TMPRSS15: variants seen among roughly 807,000 people sequenced by gnomAD.
TMPRSS15 encodes the protein enteropeptidase.
A neutral mutation model predicts 125.3 loss-of-function variants in TMPRSS15; 128 were observed. The observed-to-expected ratio is 1.02, with a 90% CI of 0.89 to 1.18. The LOEUF is 1.18. TMPRSS15 is among the 50% of genes most tolerant of loss of function. TMPRSS15 has a pLI of 0.00. For synonymous variants in TMPRSS15, 446 were observed against 423.2 expected (o/e 1.05, Z -0.66); for missense variants, 1,283 against 1,212.7 (o/e 1.06, Z -0.86).
At chr21:18,454,784 C>G (rs1978409087) in intron 1 of TMPRSS15, among the ~76,000 whole-genome samples, 1 of 152,144 alleles carries the variant, frequency 6.6e-6, no homozygotes, top group South Asian at 2.1e-4. Flanking sequence ...AAGGGCAGAT[C>G]TTCTTTACTC....
chr21:18,404,577 T>C (rs1194188148), upstream of TMPRSS15, among the ~76,000 whole-genome samples: 1 of 152,104 alleles, frequency 6.6e-6, no homozygotes, highest in African/African-American at 2.4e-5. Context: ...ATTCACACCA[T>C]GAATAATGAT....
chr21:18,449,276 A>G (rs901629098), intron 1 of TMPRSS15, among the ~76,000 whole-genome samples: 1 of 152,174 alleles, frequency 6.6e-6, no homozygotes, highest in Non-Finnish European at 1.5e-5. Flanking sequence ...CACATATTCA[A>G]TCGTATCTAA....
intron 8 of TMPRSS15, among the ~76,000 whole-genome samples, chr21:18,355,311 C>T (rs1330408986): frequency 1.3e-5 from 2 of 151,718 alleles, no homozygotes; most frequent in South Asian, 2.1e-4. Context: ...GGTGGTTCAA[C>T]CACACCCTTA....
At chr21:18,432,029 T>C (rs1385324026) in intron 1 of TMPRSS15, among the ~76,000 whole-genome samples, 1 of 152,212 alleles carries the variant, frequency 6.6e-6, no homozygotes, top group Non-Finnish European at 1.5e-5. Flanking sequence ...CTTACATTTA[T>C]CTTCATCTTC....
chr21:18,394,484 C>A (rs148697426), intron 3 of TMPRSS15, among the ~76,000 whole-genome samples: 2 of 151,936 alleles, frequency 1.3e-5, no homozygotes, highest in Admixed American at 6.6e-5. Flanking sequence ...TCATTCTAAC[C>A]AAACAGATGT....
chr21:18,481,390 T>C lies in TMPRSS15; in HGVS notation c.10+4409A>G, dbSNP rs185350726. ...CAGTAGGTTATAGAGGTGTTATACA[T>C]AATTTGTTTTTCCCTAATAAATAAA... On this transcript the variant is annotated intron_variant, in intron 1 of 7. Transcript: ENST00000422787. 3.4e-3 allele frequency among the ~76,000 whole-genome samples: 513 copies of C among 151,930 alleles called. 2 individuals carry two copies. The highest frequency in any genetic ancestry group is 0.01 in the Middle Eastern group (3 of 294).
rs953407210 is a variant in TMPRSS15, at chr21:18,418,527, G to A, written c.11-20198C>T. On this transcript the variant is annotated intron_variant, in intron 1 of 7. Transcript: ENST00000422787. The stretch of plus-strand genomic sequence containing the variant: ...CTTGGGTCAACCTTTCTGCCCTTAG[G>A]GATTGATCTATACGTGGCCTCTTGC... 3.9e-5 allele frequency among the ~76,000 whole-genome samples: 6 copies of A among 152,038 alleles called. No individual in the cohort carries two copies. The South Asian group carries it at 1.0e-3, about 26-fold the overall frequency.
intron 21 of TMPRSS15, among the ~76,000 whole-genome samples, chr21:18,283,195 G>A (rs2074722310): frequency 6.6e-6 from 1 of 152,122 alleles, no homozygotes; most frequent in African/African-American, 2.4e-5. Flanking sequence ...CCTATGTAGG[G>A]AGAGTGAACA....
At chr21:18,453,384 ATGTG>A (rs535404423) in intron 1 of TMPRSS15, among the ~76,000 whole-genome samples, 74 of 152,326 alleles carry the variant, frequency 4.9e-4, no homozygotes, top group Admixed American at 1.8e-3. Context: ...AACCAATAGA[ATGTG>A]TGTATGTGTG....
rs547269501 is a variant in TMPRSS15 at position 18,425,795 on chromosome 21, C to A, written c.11-27466G>T. 2.6e-4 allele frequency among the ~76,000 whole-genome samples: 40 copies of A among 152,142 alleles called. No individual in the cohort carries two copies. The South Asian group carries it at 8.3e-3, about 32-fold the overall frequency. ...CCCAAATATATCTCTACACATTTTT[C>A]ATGGATATTTTGATAATTCAGATGC... On this transcript the variant is annotated intron_variant, in intron 1 of 7. Coordinates refer to the TMPRSS15 transcript ENST00000422787.
At chr21:18,390,220 A>T (rs1260007069) in intron 3 of TMPRSS15, among the ~76,000 whole-genome samples, 1 of 152,164 alleles carries the variant, frequency 6.6e-6, no homozygotes, top group Non-Finnish European at 1.5e-5. Context: ...ACACAGTAAC[A>T]TGCCTGTGCT....
chr21:18,392,460 T>C (rs906509749), intron 3 of TMPRSS15, among the ~76,000 whole-genome samples: 2 of 152,166 alleles, frequency 1.3e-5, no homozygotes, highest in Non-Finnish European at 2.9e-5. Context: ...CTGATCTCCA[T>C]CTGAGATCAC....
At chr21:18,433,306 C>T (rs1349439442) in intron 1 of TMPRSS15, among the ~76,000 whole-genome samples, 2 of 152,060 alleles carry the variant, frequency 1.3e-5, no homozygotes, top group Admixed American at 1.3e-4. Flanking sequence ...TTGGTGTTAT[C>T]CACATCTTGT....
At chr21:18,327,108 A>G (rs1398278572) in intron 15 of TMPRSS15, among the ~76,000 whole-genome samples, 7 of 152,160 alleles carry the variant, frequency 4.6e-5, no homozygotes, top group Non-Finnish European at 1.0e-4. Context: ...TCTTTACTAT[A>G]TTTCAGCTAA....
intron 21 of TMPRSS15, among the ~76,000 whole-genome samples, chr21:18,287,412 T>C (rs2074778360): frequency 6.6e-6 from 1 of 152,186 alleles, no homozygotes; most frequent in Non-Finnish European, 1.5e-5. Flanking sequence ...TTTTTTCTTT[T>C]TAATGTTTAG....
Position 18,403,745 on chromosome 21 carries a change from C to T in TMPRSS15, c.-123G>A. The T allele has an allele frequency of 8.3e-7, 1 of 1,208,212 alleles. No homozygotes were observed. Among genetic ancestry groups the T allele is most frequent in the East Asian group, 2.5e-5 (1 of 39,860 alleles). 74.8% of individuals were successfully genotyped at this position (1,208,212 alleles called of 1,614,324 possible). A position where few individuals can be genotyped will look rare whatever the true frequency, so the allele number is the denominator to read the frequency against. Reference sequence around the variant, plus strand: ...AAAGCAACAACCACCTGTCTACATGCATACCAGTCAGTGTAAGTGAGTTGT... The same window carrying T: ...AAAGCAACAACCACCTGTCTACATGTATACCAGTCAGTGTAAGTGAGTTGT... On this transcript the variant is annotated 5_prime_UTR_variant, in exon 1 of 25. It removes an upstream start codon present in the reference 5' UTR. Coordinates refer to ENST00000284885, the MANE Select transcript of TMPRSS15 (RefSeq NM_002772.3).
chr21:18,342,707 A>C (rs1292735336), intron 12 of TMPRSS15, among the ~76,000 whole-genome samples: 1 of 152,202 alleles, frequency 6.6e-6, no homozygotes, highest in African/African-American at 2.4e-5. Context: ...GGATCAAAGA[A>C]GAAGAAAGAA....
At chr21:18,446,515 A>G (rs2076256090) in intron 1 of TMPRSS15, among the ~76,000 whole-genome samples, 1 of 152,224 alleles carries the variant, frequency 6.6e-6, no homozygotes, top group Admixed American at 6.5e-5. Context: ...AAAAAGAACA[A>G]AGCTAGAAGC....
At position 18,316,125 on chromosome 21, in the gene TMPRSS15, A is replaced by C. The variant is rs191382199; in HGVS notation, c.1922-869T>G. 1.6e-4 allele frequency among the ~76,000 whole-genome samples: 25 copies of C among 152,316 alleles called. No individual in the cohort carries two copies. The East Asian group carries it at 3.9e-3, about 23-fold the overall frequency. On this transcript the variant is annotated intron_variant, in intron 16 of 24. Transcript: ENST00000284885. ...CAACACCATCTACTTGTTTGCTCAG[A>C]AAGCCTCAGAAATAGTTTCCAAGCT...
Sources: allele counts gnomAD v4.1 joint callset (sites outside exome capture counted in the v4.1 genomes callset), GRCh38; gene constraint gnomAD v4.1.1; transcripts MANE v1.5; gene names NCBI Gene and HGNC (gene_info 2026-07-23, HGNC 2026-07-21).